The following GRIK2 variants were observed in gnomAD, a reference collection of about 807,000 sequenced individuals.
GRIK2 encodes glutamate ionotropic receptor kainate type subunit 2.
In GRIK2, 32 loss-of-function variants were observed where a neutral mutation model predicts 100.3. The observed-to-expected ratio is 0.32, with a 90% CI of 0.24 to 0.43. GRIK2 has a LOEUF of 0.43. GRIK2 is among the 20% of genes least tolerant of loss of function. GRIK2 has a pLI of 1.00. For missense variants in GRIK2, 843 were observed against 1,114.9 expected (o/e 0.76, Z 3.47); for synonymous variants, 417 against 389.4 (o/e 1.07, Z -0.83).
chr6:101,613,776 A>C (rs991307827), intron 2 of GRIK2, among the ~76,000 whole-genome samples: 1 of 151,406 alleles, frequency 6.6e-6, no homozygotes, highest in African/African-American at 2.4e-5. Context: ...AAAAAAAAAA[A>C]CTAGAAAAAC....
At chr6:101,878,198 T>G (rs1785998762) in intron 11 of GRIK2, among the ~76,000 whole-genome samples, 1 of 150,548 alleles carries the variant, frequency 6.6e-6, no homozygotes, top group Admixed American at 6.7e-5. Flanking sequence ...GCAAAATTTC[T>G]GATATAAATG....
rs750494476 is a variant in GRIK2, at chr6:101,682,519, A to G, written c.724-34A>G. The G allele has an allele frequency of 3.2e-6, 3 of 924,646 alleles. 1 individual carries two copies. Among genetic ancestry groups the G allele is most frequent in the Non-Finnish European group, 5.3e-6 (3 of 563,030 alleles). 57.3% of individuals were successfully genotyped at this position (924,646 alleles called of 1,614,324 possible). ...TTACTGACATACTGTCTTTCCTGAA[A>G]TATGTACCTTCAGTAATTTTTTTTT... On this transcript the variant is annotated intron_variant, in intron 5 of 16. Coordinates refer to ENST00000369134, the MANE Select transcript of GRIK2 (RefSeq NM_021956.5).
intron 16 of GRIK2, among the ~76,000 whole-genome samples, chr6:102,058,890 A>G (rs1771604382): frequency 6.6e-6 from 1 of 151,480 alleles, no homozygotes. Flanking sequence ...TATAATATAT[A>G]TGAAGTTTAG....
intron 2 of GRIK2, among the ~76,000 whole-genome samples, chr6:101,593,776 T>G (rs1015420120): frequency 1.3e-5 from 2 of 151,908 alleles, no homozygotes; most frequent in African/African-American, 4.8e-5. Flanking sequence ...GTTTAGTTTT[T>G]GAACAGATGA....
chr6:102,018,431 C>T (rs1769240257), intron 14 of GRIK2, among the ~76,000 whole-genome samples: 1 of 152,070 alleles, frequency 6.6e-6, no homozygotes, highest in African/African-American at 2.4e-5. Flanking sequence ...GAGGACTGGC[C>T]TTGTTAAAAA....
Position 101,534,491 on chromosome 6 carries a change from C to A in GRIK2, c.116-87458C>A, listed in dbSNP as rs9485507. 7.2e-3 allele frequency among the ~76,000 whole-genome samples: 1,095 copies of A among 151,860 alleles called. 12 individuals carry two copies. Among genetic ancestry groups the A allele is most frequent in the African/African-American group, 0.025 (1,031 of 41,464 alleles). On this transcript the variant is annotated intron_variant, in intron 2 of 16. Coordinates refer to ENST00000369134, the MANE Select transcript of GRIK2 (RefSeq NM_021956.5). The stretch of plus-strand genomic sequence containing the variant: ...AGTCAGCCCAAATGATCTAAAGGAA[C>A]CTGGTTGTTTTGCTAGTCTTTTATG...
intron 4 of GRIK2, among the ~76,000 whole-genome samples, chr6:101,676,073 A>T (rs993854341): frequency 3.3e-5 from 5 of 152,192 alleles, no homozygotes; most frequent in African/African-American, 1.2e-4. Flanking sequence ...TCACTGACTT[A>T]CAAGGCCCTC....
At chr6:101,916,687 C>T (rs891093607) in intron 12 of GRIK2, among the ~76,000 whole-genome samples, 2 of 151,528 alleles carry the variant, frequency 1.3e-5, no homozygotes, top group Non-Finnish European at 3.0e-5. Context: ...CTGATTTATA[C>T]AAAACTGAAT....
intron 2 of GRIK2, among the ~76,000 whole-genome samples, chr6:101,569,742 A>G (rs1354698240): frequency 2.6e-5 from 4 of 152,100 alleles, no homozygotes; most frequent in African/African-American, 9.7e-5. Context: ...AATAGATATT[A>G]ATTAGAGTAC....
At chr6:101,420,359 C>T (rs551498176) in intron 2 of GRIK2, among the ~76,000 whole-genome samples, 11 of 152,198 alleles carry the variant, frequency 7.2e-5, no homozygotes, top group East Asian at 1.9e-4. Flanking sequence ...TTATATTTAA[C>T]GATTTGTTCA....
At chr6:101,914,883 T>G (rs796744274) in intron 12 of GRIK2, among the ~76,000 whole-genome samples, 5 of 151,722 alleles carry the variant, frequency 3.3e-5, no homozygotes, top group African/African-American at 1.2e-4. Context: ...GTTTTCTAAA[T>G]GTTTTATTAC....
At chr6:101,570,268 T>A (rs752976073) in intron 2 of GRIK2, among the ~76,000 whole-genome samples, 19 of 152,194 alleles carry the variant, frequency 1.2e-4, no homozygotes, top group Non-Finnish European at 2.1e-4. Flanking sequence ...GTAGGGTAAG[T>A]ATAAGGAATG....
chr6:101,542,762 A>G (rs78473807), intron 2 of GRIK2, among the ~76,000 whole-genome samples: 1 of 152,248 alleles, frequency 6.6e-6, no homozygotes, highest in Non-Finnish European at 1.5e-5. Context: ...CAAGCAGAAA[A>G]TTAACTAAAT....
At chr6:101,424,439 G>A (rs145476937) in intron 2 of GRIK2, among the ~76,000 whole-genome samples, 2 of 151,048 alleles carry the variant, frequency 1.3e-5, no homozygotes, top group African/African-American at 4.9e-5. Context: ...TTGTCCTTGC[G>A]ATAGTTTGCT....
intron 10 of GRIK2, among the ~76,000 whole-genome samples, chr6:101,839,508 G>A (rs1783365561): frequency 6.6e-6 from 1 of 152,120 alleles, no homozygotes; most frequent in Admixed American, 6.6e-5. Flanking sequence ...GTTTCCTGAA[G>A]GAATTTAGTT....
intron 14 of GRIK2, among the ~76,000 whole-genome samples, chr6:101,939,075 T>C (rs886999634): frequency 1.3e-5 from 2 of 152,042 alleles, no homozygotes; most frequent in African/African-American, 2.4e-5. Flanking sequence ...ACTATGAGCT[T>C]ATGGTTCATT....
chr6:101,691,419 C>T (rs2128347059), intron 7 of GRIK2, among the ~76,000 whole-genome samples: 1 of 151,916 alleles, frequency 6.6e-6, no homozygotes, highest in South Asian at 2.1e-4. Flanking sequence ...GCGCCTCAGC[C>T]TCCGAGTAGC....
intron 2 of GRIK2, among the ~76,000 whole-genome samples, chr6:101,577,339 CATA>C (rs563984012): frequency 7.4e-4 from 112 of 152,040 alleles, no homozygotes; most frequent in Non-Finnish European, 1.3e-3. Context: ...TAGTAAATAA[CATA>C]ATAACAGCAT....
intron 15 of GRIK2, among the ~76,000 whole-genome samples, chr6:102,042,944 T>C (rs892051123): frequency 1.3e-5 from 2 of 151,642 alleles, no homozygotes; most frequent in African/African-American, 4.8e-5. Context: ...TCATTACAGG[T>C]TGATAACATT....
Sources: gnomAD v4.1 joint callset for allele counts (sites outside exome capture counted in the v4.1 genomes callset) on GRCh38, gnomAD v4.1.1 for gene constraint, MANE v1.5 for transcripts, NCBI Gene and HGNC (gene_info 2026-07-23, HGNC 2026-07-21) for gene names.